The following RINT1 variants were observed in gnomAD, a reference collection of about 807,000 sequenced individuals.
RINT1 encodes RAD50 interactor 1.
In RINT1, 75 loss-of-function variants were observed where a neutral mutation model predicts 97.7. The ratio of observed to expected loss-of-function variants is 0.77; its 90% CI spans 0.64 to 0.93. The LOEUF is 0.93. RINT1 is among the 40% of genes least tolerant of loss of function. RINT1 has a pLI of 0.00. For missense variants in RINT1, 892 were observed against 925.2 expected (o/e 0.96, Z 0.47); for synonymous variants, 303 against 326.3 (o/e 0.93, Z 0.77).
intron 4 of RINT1, among the ~76,000 whole-genome samples, chr7:105,546,043 GGTCT>G (rs1465506643): frequency 6.6e-6 from 1 of 151,784 alleles, no homozygotes; most frequent in African/African-American, 2.4e-5. Flanking sequence ...TGGCCAGGCT[GGTCT>G]CAAACTCCTG....
intron 11 of RINT1, among the ~76,000 whole-genome samples, chr7:105,558,081 A>G (rs1791263597): frequency 6.6e-6 from 1 of 152,122 alleles, no homozygotes. Context: ...TTGGGAGGCC[A>G]AGGTGTGTGG....
At chr7:105,559,391 A>G (rs1309405417) in intron 11 of RINT1, among the ~76,000 whole-genome samples, 1 of 152,010 alleles carries the variant, frequency 6.6e-6, no homozygotes, top group Non-Finnish European at 1.5e-5. Context: ...AAATACAAAA[A>G]CTAGCCAGGC....
Position 105,548,699 on chromosome 7 carries a change from G to A in RINT1, c.985G>A (p.Val329Met), listed in dbSNP as rs1213803824. 1.9e-6 allele frequency: 3 copies of A among 1,610,388 alleles called. No individual in the cohort carries two copies. The highest frequency in any genetic ancestry group is 1.3e-5 in the African/African-American group (1 of 74,940). ...CTTCAGAGGGAACCGGCAGACTAAT[G>A]TGTTAAGCAAGGTGTGTTTTGCCAG... ...YHFRGNRQTN[V>M]LSKPEWYLAQ... Residue 329 changes from valine to methionine, a missense_variant, in exon 7 of 15, where the codon GTG becomes ATG. Coordinates refer to ENST00000257700, the MANE Select transcript of RINT1 (RefSeq NM_021930.6).
In RINT1 at chr7:105,548,636, G is replaced by A. The variant is rs2133393711; in HGVS notation, c.922G>A (p.Val308Ile). The change falls in exon 7 of 15, where the codon GTT (valine) becomes ATT (isoleucine). Residue 308 changes from valine to isoleucine, a missense_variant. By Grantham distance (29) the Val-to-Ile change is conservative. Coordinates refer to ENST00000257700, the MANE Select transcript of RINT1 (RefSeq NM_021930.6). ...ASPSVILPIQ[V>I]MLTPLQKRFR... is the part of the protein sequence containing the mutation. ...CCCTTCTGTCATCCTGCCCATCCAG[G>A]TTATGCTGACTCCTCTTCAGAAGAG... is the stretch of plus-strand genomic sequence containing the variant. The A allele has an allele frequency of 6.2e-7, 1 of 1,614,110 alleles. No individual in the cohort carries two copies. Among genetic ancestry groups the A allele is most frequent in the East Asian group, 2.2e-5 (1 of 44,876 alleles).
At chr7:105,551,304 A>T (rs1790914342) in intron 9 of RINT1, among the ~76,000 whole-genome samples, 1 of 152,166 alleles carries the variant, frequency 6.6e-6, no homozygotes, top group Non-Finnish European at 1.5e-5. Context: ...GAGTGCTGGG[A>T]TTACTGGTGT....
At chr7:105,545,193 G>A (rs921051980) in intron 4 of RINT1, among the ~76,000 whole-genome samples, 47 of 151,978 alleles carry the variant, frequency 3.1e-4, no homozygotes, top group African/African-American at 1.1e-3. Context: ...GGCTCATGCC[G>A]TAGTCCTAGC....
intron 3 of RINT1, among the ~76,000 whole-genome samples, chr7:105,537,429 C>T (rs1039203706): frequency 2.0e-5 from 3 of 151,844 alleles, no homozygotes; most frequent in Admixed American, 6.6e-5. Context: ...TATACCCGGC[C>T]ACATTTCAGA....
At chr7:105,555,866 T>A (rs1791155046) in intron 11 of RINT1, among the ~76,000 whole-genome samples, 1 of 152,092 alleles carries the variant, frequency 6.6e-6, no homozygotes, top group Non-Finnish European at 1.5e-5. Context: ...GGCATATGCC[T>A]GTAGTCCGAG....
At chr7:105,551,109 G>A (rs1208629326) in intron 9 of RINT1, among the ~76,000 whole-genome samples, 1 of 152,118 alleles carries the variant, frequency 6.6e-6, no homozygotes, top group Non-Finnish European at 1.5e-5. Context: ...GCTTACTGCA[G>A]CCTCGACCTC....
At chr7:105,543,514 C>T (rs192059804) in intron 4 of RINT1, among the ~76,000 whole-genome samples, 1 of 152,242 alleles carries the variant, frequency 6.6e-6, no homozygotes, top group African/African-American at 2.4e-5. Flanking sequence ...GCCTTTCAGA[C>T]AACCCAAAGT....
At position 105,563,698 on chromosome 7, in the gene RINT1, A is replaced by G. The variant is rs1562859833; in HGVS notation, c.1672-35A>G. Reference sequence around the variant, plus strand: ...TTCTATTTCAAACTGTTAAAAAAAAAGTATGCTAATGTGTTAACATGTTTT... The same window carrying G: ...TTCTATTTCAAACTGTTAAAAAAAAGGTATGCTAATGTGTTAACATGTTTT... On this transcript the variant is annotated intron_variant, in intron 11 of 14. Transcript: ENST00000257700. The G allele has an allele frequency of 2.6e-6, 4 of 1,512,198 alleles. No homozygotes were observed. In the South Asian group the frequency reaches 4.6e-5, roughly 17 times the overall value. The allele number at this position is 1,512,198 out of a possible 1,614,324, so 93.7% of individuals were successfully genotyped here.
chr7:105,544,461 A>G (rs1480543771), intron 4 of RINT1, among the ~76,000 whole-genome samples: 1 of 150,624 alleles, frequency 6.6e-6, no homozygotes, highest in African/African-American at 2.4e-5. Flanking sequence ...TTGAGTTGGA[A>G]TCTTCCTCTG....
Position 105,536,768 on chromosome 7 carries a change from T to C in RINT1, c.273+19T>C. 1 of 1,467,078 alleles carries C rather than the reference T, an allele frequency of 6.8e-7. No individual in the cohort carries two copies. The highest frequency in any genetic ancestry group is 9.2e-7 in the Non-Finnish European group (1 of 1,083,158). The allele number at this position is 1,467,078 out of a possible 1,614,324, so 90.9% of individuals were successfully genotyped here. On this transcript the variant is annotated intron_variant, in intron 3 of 14. Transcript: ENST00000257700. Reference sequence around the variant, plus strand: ...AGAACAGGTAAGTATTGAAACTCACTGAAATAATTATCAGTGGAATACTTT... The same window carrying C: ...AGAACAGGTAAGTATTGAAACTCACCGAAATAATTATCAGTGGAATACTTT...
In RINT1 at chr7:105,536,759, G is replaced by C. The variant is rs1356086241; in HGVS notation, c.273+10G>C. On this transcript the variant is annotated intron_variant, in intron 3 of 14. Transcript: ENST00000257700. ...GCAGTTAGAAGAACAGGTAAGTATT[G>C]AAACTCACTGAAATAATTATCAGTG... 1.3e-6 allele frequency: 2 copies of C among 1,497,918 alleles called. No homozygotes were observed. Among genetic ancestry groups the C allele is most frequent in the South Asian group, 2.6e-5 (2 of 77,056 alleles). 92.8% of individuals were successfully genotyped at this position (1,497,918 alleles called of 1,614,324 possible). A position where few individuals can be genotyped will look rare whatever the true frequency, so the allele number is the denominator to read the frequency against.
intron 3 of RINT1, among the ~76,000 whole-genome samples, chr7:105,537,209 C>G (rs539610082): frequency 1.3e-5 from 2 of 150,150 alleles, no homozygotes; most frequent in African/African-American, 4.9e-5. Flanking sequence ...TGGCTCACTG[C>G]AACCTCTGCC....
At chr7:105,565,002 TAA>T (rs1791633414) in intron 12 of RINT1, 1 of 283,906 alleles carries the variant, frequency 3.5e-6, no homozygotes, top group South Asian at 1.3e-4. Context: ...ATGCAAAAAT[TAA>T]GTGACATTTT....
chr7:105,539,108 T>C, intron 3 of RINT1, among the ~76,000 whole-genome samples: 1 of 152,212 alleles, frequency 6.6e-6, no homozygotes, highest in South Asian at 2.1e-4. Flanking sequence ...GTTTCCCTAA[T>C]GACCACAGAA....
At chr7:105,542,291 T>C (rs570668086) in intron 3 of RINT1, 117 bp from the exon 4 acceptor site, 3 of 723,860 alleles carry the variant, frequency 4.1e-6, no homozygotes, top group East Asian at 5.4e-5. Context: ...GCTATGATGG[T>C]ACCACTGCAC....
At chr7:105,556,538 A>G (rs892621762) in intron 11 of RINT1, among the ~76,000 whole-genome samples, 1 of 152,078 alleles carries the variant, frequency 6.6e-6, no homozygotes, top group Non-Finnish European at 1.5e-5. Context: ...AAAAAACAGC[A>G]CTATGATTGT....
Sources: allele counts gnomAD v4.1 joint callset (sites outside exome capture counted in the v4.1 genomes callset), GRCh38; gene constraint gnomAD v4.1.1; transcripts MANE v1.5; gene names NCBI Gene and HGNC (gene_info 2026-07-23, HGNC 2026-07-21).